The following IFIH1 variants were observed in gnomAD, a reference collection of about 807,000 sequenced individuals.
IFIH1 encodes the protein interferon-induced helicase C domain-containing protein 1.
Under a neutral mutation model 107.4 loss-of-function variants are expected in IFIH1, and 125 were observed. The ratio of observed to expected loss-of-function variants is 1.16; its 90% CI spans 1.01 to 1.35. The LOEUF (loss-of-function observed/expected upper bound fraction) is 1.35, where lower values mean the gene tolerates loss of function less well. Among genes scored for constraint, IFIH1 ranks in the 40% most tolerant of loss-of-function variants. The pLI is 0.00. For missense variants in IFIH1, 1,333 were observed against 1,213.7 expected, an observed-to-expected ratio of 1.10 and a Z score of -1.46; for synonymous variants, 458 against 413.2, an observed-to-expected ratio of 1.11 and a Z score of -1.31.
chr2:162,305,571 A>AAAAATAAAATAAAATAAAATAAAAT lies in IFIH1; in HGVS notation c.769+1113_769+1137dup, dbSNP rs565732809. On this transcript the variant is annotated intron_variant, in intron 3 of 15. Transcript: ENST00000649979. ...TGTGACTGAGTGAGATTCCATCTCC[A>AAAAATAAAATAAAATAAAATAAAAT]AAAATAAAATAAAATAAAATAAAAT... Among the ~76,000 whole-genome samples, 285 of 152,126 alleles carry AAAAATAAAATAAAATAAAATAAAAT rather than the reference A, an allele frequency of 1.9e-3. 1 individual carries two copies. The highest frequency in any genetic ancestry group is 6.5e-3 in the African/African-American group (271 of 41,430).
intron 3 of IFIH1, among the ~76,000 whole-genome samples, chr2:162,305,788 T>C (rs1326246953): frequency 6.6e-6 from 1 of 152,208 alleles, no homozygotes; most frequent in Non-Finnish European, 1.5e-5. Context: ...TATTTAAAAC[T>C]CATCACCTAA....
At chr2:162,295,220 A>T (rs1056753545) in intron 3 of IFIH1, among the ~76,000 whole-genome samples, 3 of 152,032 alleles carry the variant, frequency 2.0e-5, no homozygotes, top group Non-Finnish European at 4.4e-5. Flanking sequence ...CACATCAGAC[A>T]ACCAGTGGCA....
rs947801433 is a variant in IFIH1, at chr2:162,293,475, A to G, written c.874+89T>C. 8 of 737,982 alleles carry G rather than the reference A, an allele frequency of 1.1e-5. No individual in the cohort carries two copies. In the African/African-American group the frequency reaches 1.2e-4, roughly 11 times the overall value. The allele number at this position is 737,982 out of a possible 1,614,324, so 45.7% of individuals were successfully genotyped here. The stretch of plus-strand genomic sequence containing the variant: ...AGAATTGCTTTAATTGCATAAATAC[A>G]TTAGGGAGGGTATGAACAGCCCCCA... On this transcript the variant is annotated intron_variant, in intron 4 of 15. Transcript: ENST00000649979.
chr2:162,318,008 C>T lies in IFIH1; in HGVS notation c.300G>A (p.Thr100=). The T allele has an allele frequency of 3.1e-6, 5 of 1,614,168 alleles. No homozygotes were observed. Among genetic ancestry groups the T allele is most frequent in the Non-Finnish European group, 4.2e-6 (5 of 1,180,032 alleles). ...TCTCAAACGATGGAGAGGGCAAGTCCGTGAGCTCAGGGTTCATGTAGCGGG... is the reference window on the plus strand; with the variant it reads ...TCTCAAACGATGGAGAGGGCAAGTCTGTGAGCTCAGGGTTCATGTAGCGGG... The part of the protein sequence containing the change: ...LAARYMNPEL[T]DLPSPSFENA... The change falls in exon 1 of 16, where the codon ACG becomes ACA. Residue 100 remains threonine, a synonymous_variant. Coordinates refer to ENST00000649979, the MANE Select transcript of IFIH1 (RefSeq NM_022168.4).
intron 3 of IFIH1, among the ~76,000 whole-genome samples, chr2:162,304,650 T>C (rs1329363202): frequency 1.3e-5 from 2 of 152,232 alleles, no homozygotes; most frequent in African/African-American, 4.8e-5. Context: ...AAGTGAATTT[T>C]AAAAGTATTG....
chr2:162,316,736 T>C (rs560870392), intron 1 of IFIH1, among the ~76,000 whole-genome samples: 4 of 152,348 alleles, frequency 2.6e-5, no homozygotes, highest in African/African-American at 7.2e-5. Context: ...TTTGTCTACA[T>C]GTCTTCCAAA....
chr2:162,287,473 T>C (rs1682917269), intron 5 of IFIH1, among the ~76,000 whole-genome samples: 1 of 151,794 alleles, frequency 6.6e-6, no homozygotes, highest in Non-Finnish European at 1.5e-5. Flanking sequence ...AGCAGACATA[T>C]TTACTTATGA....
intron 12 of IFIH1, 89 bp from the exon 13 acceptor site, chr2:162,272,476 A>G: frequency 8.7e-7 from 1 of 1,149,910 alleles, no homozygotes; most frequent in Non-Finnish European, 1.3e-6. Flanking sequence ...TCTTGCTCAG[A>G]ATGAAATGAT....
intron 3 of IFIH1, among the ~76,000 whole-genome samples, chr2:162,301,132 A>G (rs1683187068): frequency 6.6e-6 from 1 of 152,186 alleles, no homozygotes; most frequent in South Asian, 2.1e-4. Flanking sequence ...AAACCTAAGG[A>G]GTGGAACATA....
In IFIH1 at chr2:162,277,555, T is replaced by C. The variant is rs1485862271; in HGVS notation, c.1904A>G (p.Asp635Gly). Reference protein sequence around the residue: ...HLETFYNEEKDKKFAVIEDDS... With the variant: ...HLETFYNEEKGKKFAVIEDDS... ...ATCTTCTATGACTGCAAACTTCTTA[T>C]CTTTCTCTTCATTATAGAAAGTTTC... The change falls in exon 10 of 16, where the codon GAT becomes GGT. Residue 635 changes from aspartate to glycine, a missense_variant. Coordinates refer to ENST00000649979, the MANE Select transcript of IFIH1 (RefSeq NM_022168.4). The C allele has an allele frequency of 6.2e-7, 1 of 1,601,408 alleles. No homozygotes were observed. The highest frequency in any genetic ancestry group is 8.6e-7 in the Non-Finnish European group (1 of 1,168,732).
At position 162,310,934 on chromosome 2, in the gene IFIH1, C is replaced by A. The variant is rs148590996; in HGVS notation, c.454-1G>T. 78 of 1,610,966 alleles carry A rather than the reference C, an allele frequency of 4.8e-5. No homozygotes were observed. Among genetic ancestry groups the A allele is most frequent in the Non-Finnish European group, 6.2e-5 (73 of 1,178,320 alleles). ...TTCCATTGTTTTCTGCAGCAGCAAT[C>A]TGTTGTAAGAGAAAATTAGAATTAA... On this transcript the variant is annotated splice_acceptor_variant, in intron 1 of 15. Transcript: ENST00000649979. LOFTEE classifies it high-confidence loss of function.
At position 162,317,874 on chromosome 2, in the gene IFIH1, G is replaced by A. The variant is rs957037557; in HGVS notation, c.434C>T (p.Thr145Ile). 1.3e-6 allele frequency: 2 copies of A among 1,587,794 alleles called. No homozygotes were observed. Among genetic ancestry groups the A allele is most frequent in the African/African-American group, 2.7e-5 (2 of 73,950 alleles). Residue 145 changes from threonine to isoleucine, a missense_variant, in exon 1 of 16, where the codon ACA (threonine) becomes ATA (isoleucine). Coordinates refer to ENST00000649979, the MANE Select transcript of IFIH1 (RefSeq NM_022168.4). ...LDKCMEEELL[T>I]IEDRNRIAAA... The stretch of plus-strand genomic sequence containing the variant: ...ACCTACCCGGTTTCTGTCTTCAATT[G>A]TCAACAGTTCCTCCTCCATGCACTT...
At chr2:162,300,580 G>A (rs1683176698) in intron 3 of IFIH1, among the ~76,000 whole-genome samples, 1 of 152,138 alleles carries the variant, frequency 6.6e-6, no homozygotes, top group African/African-American at 2.4e-5. Flanking sequence ...CAATATCAGT[G>A]TCAGCATCAG....
At chr2:162,281,965 G>C (rs930646096) in intron 6 of IFIH1, among the ~76,000 whole-genome samples, 3 of 151,790 alleles carry the variant, frequency 2.0e-5, no homozygotes, top group African/African-American at 7.3e-5. Context: ...ATTTTGCCTT[G>C]TTTTAACATT....
At position 162,277,696 on chromosome 2, in the gene IFIH1, G is replaced by A. The variant is rs183649893; in HGVS notation, c.1766-3C>T. 3.4e-5 allele frequency: 54 copies of A among 1,598,360 alleles called. No individual in the cohort carries two copies. In the African/African-American group the frequency reaches 6.9e-4, roughly 20 times the overall value. ...TTTGCGATTTCCTTCTTTTGCAGCT[G>A]TGAAAAAATATATTATGTAAGTGAA... is the stretch of plus-strand genomic sequence containing the variant. On this transcript the variant is annotated splice_region_variant and splice_polypyrimidine_tract_variant and intron_variant, in intron 9 of 15. Transcript: ENST00000649979.
rs375745122 is a variant in IFIH1 at position 162,276,802 on chromosome 2, C to G, written c.2189G>C (p.Ser730Thr). The G allele has an allele frequency of 4.3e-6, 7 of 1,613,904 alleles. No homozygotes were observed. The African/African-American group carries it at 6.7e-5, about 15-fold the overall frequency. The change falls in exon 11 of 16, where the codon AGT becomes ACT. Residue 730 changes from serine to threonine, a missense_variant. Physicochemically the swap from Ser to Thr is moderately conservative, Grantham distance 58. Coordinates refer to ENST00000649979, the MANE Select transcript of IFIH1 (RefSeq NM_022168.4). ...RGIIFTKTRQSAYALSQWITE... is the reference protein window; with the variant it reads ...RGIIFTKTRQTAYALSQWITE... The stretch of plus-strand genomic sequence containing the variant: ...AATCCACTGGGAAAGCGCATATGCA[C>G]TCTGTCGTGTTTTTGTAAAGATTAT...
intron 13 of IFIH1, among the ~76,000 whole-genome samples, chr2:162,270,600 G>T (rs1333791746): frequency 1.3e-5 from 2 of 151,992 alleles, no homozygotes; most frequent in South Asian, 4.2e-4. Flanking sequence ...GTCCATTCTG[G>T]GGCACCCAAA....
At chr2:162,312,523 A>G (rs1683399616) in intron 1 of IFIH1, among the ~76,000 whole-genome samples, 1 of 152,176 alleles carries the variant, frequency 6.6e-6, no homozygotes, top group Non-Finnish European at 1.5e-5. Flanking sequence ...GCCTTCTTGA[A>G]CTATAATTAT....
chr2:162,314,420 C>CTTTCTT (rs1558877471), intron 1 of IFIH1, among the ~76,000 whole-genome samples: 2 of 34,196 alleles, frequency 5.8e-5, no homozygotes, highest in Non-Finnish European at 1.0e-4. Flanking sequence ...TCTTTCTTTT[C>CTTTCTT]TTTCTTTCTT....
Sources: gnomAD v4.1 joint callset for allele counts (sites outside exome capture counted in the v4.1 genomes callset) on GRCh38, gnomAD v4.1.1 for gene constraint, MANE v1.5 for transcripts, NCBI Gene and HGNC (gene_info 2026-07-23, HGNC 2026-07-21) for gene names.